TSNARE1: variants seen among roughly 807,000 people sequenced by gnomAD.
TSNARE1 encodes t-SNARE domain containing 1, also known as t-SNARE domain-containing protein 1.
Under a neutral mutation model 62.0 loss-of-function variants are expected in TSNARE1, and 49 were observed. The observed-to-expected ratio is 0.79, with a 90% CI of 0.63 to 1.00. TSNARE1 has a LOEUF of 1.00. Ranked by LOEUF, TSNARE1 falls within the 50% of genes least tolerant of loss-of-function variation. The pLI is 0.00. For synonymous variants in TSNARE1, 328 were observed against 294.4 expected, an observed-to-expected ratio of 1.11 and a Z score of -1.17; for missense variants, 755 against 700.1, an observed-to-expected ratio of 1.08 and a Z score of -0.88.
intron 12 of TSNARE1, among the ~76,000 whole-genome samples, chr8:142,235,358 T>C (rs904112750): frequency 2.0e-5 from 3 of 151,924 alleles, no homozygotes; most frequent in African/African-American, 4.8e-5. Flanking sequence ...TGAGGCCTCC[T>C]CGTCCCCACC....
chr8:142,299,737 C>T (rs369236736), intron 10 of TSNARE1, among the ~76,000 whole-genome samples: 52 of 152,296 alleles, frequency 3.4e-4, no homozygotes, highest in African/African-American at 1.0e-3. Context: ...CACGCACACA[C>T]GTGCACACAC....
At position 142,227,190 on chromosome 8, in the gene TSNARE1, T is replaced by C. The variant is rs79982490; in HGVS notation, c.*11+2283A>G. Among the ~76,000 whole-genome samples the C allele has an allele frequency of 3.1e-3, 414 of 134,286 alleles. 3 individuals are homozygous for C. Among genetic ancestry groups the C allele is most frequent in the South Asian group, 0.018 (74 of 4,086 alleles). The allele number at this position is 134,286 out of a possible 152,430, so 88.1% of individuals were successfully genotyped here. A position where few individuals can be genotyped will look rare whatever the true frequency, so the allele number is the denominator to read the frequency against. Reference sequence around the variant, plus strand: ...CACTGTGCCCACACCCCAGTGACAGTGAGGACCTCCACTGCATCCACAACC... The same window carrying C: ...CACTGTGCCCACACCCCAGTGACAGCGAGGACCTCCACTGCATCCACAACC... On this transcript the variant is annotated intron_variant, in intron 13 of 13. Transcript: ENST00000524325.
intron 12 of TSNARE1, among the ~76,000 whole-genome samples, chr8:142,264,709 A>T (rs566126550): frequency 6.6e-6 from 1 of 152,214 alleles, no homozygotes; most frequent in Non-Finnish European, 1.5e-5. Flanking sequence ...TAAAATTAAC[A>T]TTGCTACTTA....
In TSNARE1 at chr8:142,308,615, C is replaced by T. The variant is rs571654824; in HGVS notation, c.1131+5769G>A. Among the ~76,000 whole-genome samples, 15 of 152,188 alleles carry T rather than the reference C, an allele frequency of 9.9e-5. No homozygotes were observed. The East Asian group carries it at 1.4e-3, about 14-fold the overall frequency. ...GTGTGTCCGTGGGCTGGTGTGTCCACGGGCTGGTGTGTCTAGCCTCACACA... is the reference window on the plus strand; with the variant it reads ...GTGTGTCCGTGGGCTGGTGTGTCCATGGGCTGGTGTGTCTAGCCTCACACA... On this transcript the variant is annotated intron_variant, in intron 9 of 13. Coordinates refer to ENST00000524325, the MANE Select transcript of TSNARE1 (RefSeq NM_145003.5).
intron 10 of TSNARE1, among the ~76,000 whole-genome samples, chr8:142,299,598 C>T (rs1586653160): frequency 6.6e-6 from 1 of 152,346 alleles, no homozygotes; most frequent in Middle Eastern, 3.4e-3. Flanking sequence ...GAGGCTCACT[C>T]ACATATGCAT....
At chr8:142,256,004 CCACCAT>C (rs1396872228) in intron 12 of TSNARE1, among the ~76,000 whole-genome samples, 2 of 121,246 alleles carry the variant, frequency 1.6e-5, no homozygotes, top group Non-Finnish European at 3.6e-5. Flanking sequence ...ACCATCACCA[CCACCAT>C]CACCATCACC....
chr8:142,220,362 T>A (rs949509913), intron 13 of TSNARE1, among the ~76,000 whole-genome samples: 3 of 152,206 alleles, frequency 2.0e-5, no homozygotes, highest in Admixed American at 6.5e-5. Context: ...CCAGCCCACT[T>A]GCCAGATTCT....
intron 6 of TSNARE1, among the ~76,000 whole-genome samples, chr8:142,321,627 A>G (rs1322679157): frequency 6.6e-6 from 1 of 152,230 alleles, no homozygotes. Flanking sequence ...TGAAAGAGTG[A>G]GCCTGACTAC....
At chr8:142,262,607 AT>A (rs2083240372) in intron 12 of TSNARE1, among the ~76,000 whole-genome samples, 1 of 152,070 alleles carries the variant, frequency 6.6e-6, no homozygotes. Flanking sequence ...GTTTAATGCC[AT>A]CCCCCTAGTG....
chr8:142,305,599 G>A (rs1035611981), intron 9 of TSNARE1, among the ~76,000 whole-genome samples: 2 of 152,190 alleles, frequency 1.3e-5, no homozygotes, highest in African/African-American at 4.8e-5. Flanking sequence ...AAAGCCAGGG[G>A]AGGAAGAGAT....
chr8:142,277,848 G>C, intron 11 of TSNARE1: 1 of 985,346 alleles, frequency 1.0e-6, no homozygotes. Context: ...CAGGGCTGAG[G>C]ACTTGCAGAA....
Position 142,275,393 on chromosome 8 carries a change from T to C in TSNARE1, c.1364-530A>G, listed in dbSNP as rs957004217. ...AGAAAGTTGTGCTGCCGTGCGGGGA[T>C]CACGGGAGATGGTACCTGGGAAAAG... On this transcript the variant is annotated intron_variant, in intron 11 of 13. Transcript: ENST00000524325. 3 of 985,120 alleles carry C rather than the reference T, an allele frequency of 3.0e-6. No individual in the cohort carries two copies. The East Asian group carries it at 3.4e-4, about 112-fold the overall frequency. The allele number at this position is 985,120 out of a possible 1,614,324, so 61.0% of individuals were successfully genotyped here.
chr8:142,277,323 G>A (rs1024639300), intron 11 of TSNARE1: 3 of 985,402 alleles, frequency 3.0e-6, no homozygotes, highest in Non-Finnish European at 3.6e-6. Flanking sequence ...GACACTCGCA[G>A]AGCAGCACAC....
chr8:142,346,006 C>T (rs1311450677), intron 2 of TSNARE1, 114 bp from the exon 3 acceptor site: 3 of 1,304,644 alleles, frequency 2.3e-6, no homozygotes, highest in African/African-American at 1.5e-5. Context: ...CCACTCAGGG[C>T]TCCTCCTCCA....
chr8:142,222,114 C>CCACTCATTTACTCACTCATCCACT, intron 13 of TSNARE1, among the ~76,000 whole-genome samples: 1 of 121,400 alleles, frequency 8.2e-6, no homozygotes, highest in Admixed American at 8.3e-5. Flanking sequence ...ACTCACTCAT[C>CCACTCATTTACTCACTCATCCACT]CACTCATTCA....
At chr8:142,268,197 A>G (rs1819239019) in intron 12 of TSNARE1, among the ~76,000 whole-genome samples, 1 of 152,196 alleles carries the variant, frequency 6.6e-6, no homozygotes, top group African/African-American at 2.4e-5. Flanking sequence ...ATGGACAGCC[A>G]TCTGCTGTCC....
chr8:142,279,384 G>T (rs767580045), intron 11 of TSNARE1, among the ~76,000 whole-genome samples: 2 of 152,176 alleles, frequency 1.3e-5, no homozygotes, highest in Admixed American at 6.5e-5. Context: ...GGGCACCCTG[G>T]GCTGCACCCG....
intron 10 of TSNARE1, among the ~76,000 whole-genome samples, chr8:142,289,459 C>T (rs1334611212): frequency 2.0e-5 from 3 of 152,212 alleles, no homozygotes; most frequent in Admixed American, 6.5e-5. Context: ...TCCTGGCGAC[C>T]GAGCTGGGGA....
At chr8:142,351,868 A>C (rs79552033) in intron 2 of TSNARE1, among the ~76,000 whole-genome samples, 4,658 of 152,316 alleles carry the variant, frequency 0.031, 255 homozygotes, top group African/African-American at 0.11. Context: ...AGAGAAAAAC[A>C]ACATCACAGC....
Sources: allele counts gnomAD v4.1 joint callset (sites outside exome capture counted in the v4.1 genomes callset), GRCh38; gene constraint gnomAD v4.1.1; transcripts MANE v1.5; gene names NCBI Gene and HGNC (gene_info 2026-07-23, HGNC 2026-07-21).